BTG4: variants seen among roughly 807,000 people sequenced by gnomAD.
The protein encoded by BTG4 is protein BTG4.
Under a neutral mutation model 19.3 loss-of-function variants are expected in BTG4, and 10 were observed. That is an observed-to-expected ratio of 0.52 (90% CI 0.32 to 0.88). The LOEUF (loss-of-function observed/expected upper bound fraction) is 0.88. BTG4 is among the 40% of genes least tolerant of loss of function. The probability of loss-of-function intolerance (pLI) is 0.04; values close to 1 mark genes in which losing one functional copy is unlikely to be tolerated. For synonymous variants in BTG4, 91 were observed against 95.7 expected (o/e 0.95, Z 0.29); for missense variants, 238 against 281.9 (o/e 0.84, Z 1.11).
intron 2 of BTG4, 75 bp from the exon 3 acceptor site, chr11:111,498,210 G>A: frequency 1.3e-6 from 2 of 1,519,644 alleles, no homozygotes; most frequent in Non-Finnish European, 9.0e-7. Flanking sequence ...TGCACATACT[G>A]TTCCAATACA....
Position 111,511,941 on chromosome 11 carries a change from G to A in BTG4, c.-27+240C>T, listed in dbSNP as rs559573151. 4.6e-5 allele frequency among the ~76,000 whole-genome samples: 7 copies of A among 152,234 alleles called. No homozygotes were observed. The South Asian group carries it at 1.5e-3, about 32-fold the overall frequency. On this transcript the variant is annotated intron_variant, in intron 1 of 4. Coordinates refer to ENST00000692032, the MANE Select transcript of BTG4 (RefSeq NM_001367975.1). ...TAATTTATTATATATATACTGTCTT[G>A]AATGGTATGGCCTTGATCTCAAGAG...
intron 5 of BTG4, among the ~76,000 whole-genome samples, chr11:111,468,317 G>A (rs1457332973): frequency 1.3e-5 from 2 of 152,250 alleles, no homozygotes; most frequent in African/African-American, 4.8e-5. Context: ...AGTGCCGTGT[G>A]CCAGGAACTC....
chr11:111,438,909 C>T, the BTG4 span, among the ~76,000 whole-genome samples: 780 of 152,334 alleles, frequency 5.1e-3, 3 homozygotes, highest in Non-Finnish European at 8.9e-3. Context: ...CCCTGCTGTC[C>T]TATCCATCCA....
At chr11:111,422,384 C>T in the BTG4 span, among the ~76,000 whole-genome samples, 11 of 152,210 alleles carry the variant, frequency 7.2e-5, no homozygotes, top group Admixed American at 1.3e-4. Flanking sequence ...GGCTGCTGTA[C>T]GTGGCCTCTG....
chr11:111,421,591 C>G, the BTG4 span, among the ~76,000 whole-genome samples: 3 of 152,162 alleles, frequency 2.0e-5, no homozygotes, highest in African/African-American at 7.2e-5. Context: ...GGCTAACTTC[C>G]CCAGCAACAC....
chr11:111,478,514 C>T (rs778031351), intron 5 of BTG4, among the ~76,000 whole-genome samples: 3 of 152,002 alleles, frequency 2.0e-5, no homozygotes, highest in Non-Finnish European at 2.9e-5. Flanking sequence ...AAAACCTAAT[C>T]AACAGATTAC....
chr11:111,471,958 C>T (rs1409257404), intron 5 of BTG4, among the ~76,000 whole-genome samples: 1 of 152,192 alleles, frequency 6.6e-6, no homozygotes, highest in African/African-American at 2.4e-5. Context: ...TCCTGTTGTT[C>T]TACTTTCAAA....
At chr11:111,457,616 G>C in the BTG4 span, among the ~76,000 whole-genome samples, 1 of 151,890 alleles carries the variant, frequency 6.6e-6, no homozygotes, top group Non-Finnish European at 1.5e-5. Context: ...CTGGGGAGGG[G>C]AAGAGAAGCA....
At chr11:111,429,800 C>A in the BTG4 span, among the ~76,000 whole-genome samples, 69,256 of 152,106 alleles carry the variant, frequency 0.46, 16,127 homozygotes, top group African/African-American at 0.54. Context: ...GCAACTCCCC[C>A]ACTTCAATTC....
the BTG4 span, among the ~76,000 whole-genome samples, chr11:111,387,795 G>T: frequency 6.6e-6 from 1 of 152,178 alleles, no homozygotes; most frequent in South Asian, 2.1e-4. Context: ...ATGTCATGGA[G>T]CTTGGGGGAA....
chr11:111,447,323 G>A, the BTG4 span, among the ~76,000 whole-genome samples: 1 of 152,180 alleles, frequency 6.6e-6, no homozygotes, highest in Non-Finnish European at 1.5e-5. Context: ...TTTCTGGACC[G>A]CAGTCTTCTT....
chr11:111,392,325 C>A, the BTG4 span, among the ~76,000 whole-genome samples: 1 of 151,848 alleles, frequency 6.6e-6, no homozygotes, highest in African/African-American at 2.4e-5. Context: ...CTACAGGCAC[C>A]CACCACCATG....
chr11:111,454,459 C>G, the BTG4 span: 3 of 371,948 alleles, frequency 8.1e-6, no homozygotes, highest in Non-Finnish European at 1.6e-5. Flanking sequence ...GACATAGAGT[C>G]CAAAGAATAT....
At chr11:111,390,340 C>T in the BTG4 span, among the ~76,000 whole-genome samples, 1 of 152,150 alleles carries the variant, frequency 6.6e-6, no homozygotes, top group African/African-American at 2.4e-5. Context: ...AAGTAAGTCT[C>T]CTGACTTCTT....
At chr11:111,460,809 G>C in the BTG4 span, among the ~76,000 whole-genome samples, 1 of 152,100 alleles carries the variant, frequency 6.6e-6, no homozygotes, top group East Asian at 1.9e-4. Context: ...CAAAACATAA[G>C]TTACTCATAC....
At chr11:111,468,494 C>T (rs1460048799) in intron 5 of BTG4, among the ~76,000 whole-genome samples, 1 of 152,226 alleles carries the variant, frequency 6.6e-6, no homozygotes, top group African/African-American at 2.4e-5. Context: ...GTGTGTTTGA[C>T]ACCAAAAACT....
At chr11:111,509,895 T>C (rs1299097384) in intron 1 of BTG4, among the ~76,000 whole-genome samples, 2 of 142,732 alleles carry the variant, frequency 1.4e-5, no homozygotes, top group African/African-American at 2.5e-5. Context: ...ATCTTTTTTT[T>C]TCTTTTTTCT....
chr11:111,502,355 A>C (rs947765059), intron 1 of BTG4, among the ~76,000 whole-genome samples: 1 of 152,192 alleles, frequency 6.6e-6, no homozygotes, highest in Non-Finnish European at 1.5e-5. Context: ...AACGTGCAGC[A>C]AAAGTGGAAA....
chr11:111,431,894 T>A, the BTG4 span, among the ~76,000 whole-genome samples: 2 of 152,102 alleles, frequency 1.3e-5, no homozygotes, highest in Non-Finnish European at 2.9e-5. Context: ...GCTGTCACGA[T>A]GCTTGGTTGG....
Sources: allele counts gnomAD v4.1 joint callset (sites outside exome capture counted in the v4.1 genomes callset), GRCh38; gene constraint gnomAD v4.1.1; transcripts MANE v1.5; gene names NCBI Gene and HGNC (gene_info 2026-07-23, HGNC 2026-07-21).